TBC1D5: variants seen among roughly 807,000 people sequenced by gnomAD.
TBC1D5 encodes the protein TBC1 domain family, member 5.
Under a neutral mutation model 100.3 loss-of-function variants are expected in TBC1D5, and 75 were observed. The observed-to-expected ratio is 0.75, with a 90% confidence interval of 0.62 to 0.91. The LOEUF is 0.91. TBC1D5 is among the 40% of genes least tolerant of loss of function. The pLI is 0.00. For missense variants in TBC1D5, 910 were observed against 942.4 expected (o/e 0.97, Z 0.45); for synonymous variants, 323 against 325.6 (o/e 0.99, Z 0.09).
chr3:17,391,977 C>T (rs557307321), intron 8 of TBC1D5, among the ~76,000 whole-genome samples: 16 of 152,172 alleles, frequency 1.1e-4, no homozygotes, highest in African/African-American at 3.1e-4. Context: ...GGTGCTAGAA[C>T]TTTCTTGGTT....
intron 3 of TBC1D5, among the ~76,000 whole-genome samples, chr3:17,489,133 G>C (rs1201055919): frequency 6.6e-6 from 1 of 152,000 alleles, no homozygotes; most frequent in African/African-American, 2.4e-5. Flanking sequence ...AAAATTTAGA[G>C]ACTGAGTGCA....
chr3:17,716,683 C>T (rs2075267670), intron 1 of TBC1D5, among the ~76,000 whole-genome samples: 1 of 152,096 alleles, frequency 6.6e-6, no homozygotes, highest in South Asian at 2.1e-4. Flanking sequence ...TATTATAGTA[C>T]TTCTCAACTC....
intron 13 of TBC1D5, among the ~76,000 whole-genome samples, chr3:17,350,113 G>T (rs1485164352): frequency 6.6e-6 from 1 of 152,132 alleles, no homozygotes; most frequent in African/African-American, 2.4e-5. Context: ...TGGAGCTGAA[G>T]CTAATCGTAC....
intron 2 of TBC1D5, among the ~76,000 whole-genome samples, chr3:17,611,109 G>GA (rs1344604683): frequency 1.3e-5 from 2 of 152,004 alleles, no homozygotes; most frequent in African/African-American, 4.8e-5. Flanking sequence ...GATGATGAAT[G>GA]AAAAAAGAAA....
chr3:17,562,470 A>G (rs1317931108), intron 2 of TBC1D5, among the ~76,000 whole-genome samples: 1 of 151,946 alleles, frequency 6.6e-6, no homozygotes, highest in South Asian at 2.1e-4. Context: ...TAATGAAATT[A>G]AAAAATTTTT....
At chr3:17,329,552 C>T (rs916611193) in intron 13 of TBC1D5, among the ~76,000 whole-genome samples, 1 of 152,030 alleles carries the variant, frequency 6.6e-6, no homozygotes, top group Non-Finnish European at 1.5e-5. Context: ...AAAATTATAA[C>T]AACTTTCAAA....
At chr3:17,661,647 C>T (rs2153743957) in intron 1 of TBC1D5, among the ~76,000 whole-genome samples, 1 of 152,016 alleles carries the variant, frequency 6.6e-6, no homozygotes, top group Admixed American at 6.5e-5. Flanking sequence ...ACTACAGGCG[C>T]CTGCCACCTC....
At chr3:17,615,886 C>A (rs377638658) in intron 2 of TBC1D5, among the ~76,000 whole-genome samples, 2 of 152,082 alleles carry the variant, frequency 1.3e-5, no homozygotes, top group African/African-American at 4.8e-5. Context: ...TCTCTATCTC[C>A]TTCAGTTCTT....
intron 13 of TBC1D5, among the ~76,000 whole-genome samples, chr3:17,364,349 T>C (rs2091962958): frequency 6.6e-6 from 1 of 152,156 alleles, no homozygotes; most frequent in South Asian, 2.1e-4. Context: ...GCTGAGTGTT[T>C]ACCACATGCC....
intron 13 of TBC1D5, among the ~76,000 whole-genome samples, chr3:17,333,837 A>G (rs1412780430): frequency 1.3e-5 from 2 of 152,180 alleles, no homozygotes; most frequent in African/African-American, 2.4e-5. Context: ...AAGTGAGTTC[A>G]GTAAGCATGG....
chr3:17,357,772 T>C (rs1423823963), intron 13 of TBC1D5, among the ~76,000 whole-genome samples: 1 of 152,228 alleles, frequency 6.6e-6, no homozygotes, highest in African/African-American at 2.4e-5. Flanking sequence ...TTGATCTGAC[T>C]TTAGCTTTTC....
At chr3:17,711,672 T>C (rs1397842859) in intron 1 of TBC1D5, among the ~76,000 whole-genome samples, 2 of 152,232 alleles carry the variant, frequency 1.3e-5, no homozygotes, top group Non-Finnish European at 2.9e-5. Flanking sequence ...GTTTCTAAGA[T>C]AATCAATGTG....
intron 13 of TBC1D5, among the ~76,000 whole-genome samples, chr3:17,332,104 G>A (rs923287077): frequency 3.9e-5 from 6 of 152,190 alleles, no homozygotes; most frequent in African/African-American, 1.4e-4. Context: ...GATGAAAACA[G>A]GAAGACCAGT....
chr3:17,190,650 C>T (rs1269779277), intron 18 of TBC1D5, among the ~76,000 whole-genome samples: 2 of 152,110 alleles, frequency 1.3e-5, no homozygotes, highest in Non-Finnish European at 2.9e-5. Context: ...GCCACTGCCC[C>T]CAACACACAC....
rs2083611660 is a variant in TBC1D5, at chr3:17,308,285, G to C, written c.996-151C>G. The C allele has an allele frequency of 4.0e-6, 3 of 753,116 alleles. No individual in the cohort carries two copies. In the South Asian group the frequency reaches 1.4e-4, roughly 35 times the overall value. 46.7% of individuals were successfully genotyped at this position (753,116 alleles called of 1,614,324 possible). On this transcript the variant is annotated intron_variant, in intron 13 of 21. Transcript: ENST00000253692. ...TAATATAGTAAAATCTATATTTTAA[G>C]CTTTCAAATGAATTTTATAATTGTA...
At chr3:17,402,420 T>A (rs906020110) in intron 8 of TBC1D5, among the ~76,000 whole-genome samples, 2 of 152,144 alleles carry the variant, frequency 1.3e-5, no homozygotes, top group African/African-American at 4.8e-5. Context: ...CTAACATTTA[T>A]ATAATGATTT....
intron 1 of TBC1D5, among the ~76,000 whole-genome samples, chr3:17,709,723 TA>T (rs1320284305): frequency 1.3e-5 from 2 of 152,186 alleles, no homozygotes; most frequent in East Asian, 1.9e-4. Flanking sequence ...TATTGTAGCT[TA>T]AAAAAAATTT....
chr3:17,450,926 A>G (rs898581140), intron 3 of TBC1D5, among the ~76,000 whole-genome samples: 1 of 152,202 alleles, frequency 6.6e-6, no homozygotes, highest in Non-Finnish European at 1.5e-5. Flanking sequence ...CCCAAGACAC[A>G]TAATCGTCAG....
At chr3:17,236,028 T>C (rs973104475) in intron 17 of TBC1D5, among the ~76,000 whole-genome samples, 11 of 152,156 alleles carry the variant, frequency 7.2e-5, no homozygotes, top group African/African-American at 2.7e-4. Context: ...GTGATAATCA[T>C]GTTCCAAATA....
Sources: gnomAD v4.1 joint callset for allele counts (sites outside exome capture counted in the v4.1 genomes callset) on GRCh38, gnomAD v4.1.1 for gene constraint, MANE v1.5 for transcripts, NCBI Gene and HGNC (gene_info 2026-07-23, HGNC 2026-07-21) for gene names.